PCDHA2: variants seen among roughly 807,000 people sequenced by gnomAD.
PCDHA2 encodes protocadherin alpha 2.
In PCDHA2, 58 loss-of-function variants were observed where a neutral mutation model predicts 66.0. That is an observed-to-expected ratio of 0.88 (90% CI 0.71 to 1.09). The LOEUF (loss-of-function observed/expected upper bound fraction) is 1.09, where lower values mean the gene tolerates loss of function less well. Ranked by LOEUF, PCDHA2 falls within the 50% of genes least tolerant of loss-of-function variation. PCDHA2 has a pLI of 0.00. For missense variants in PCDHA2, 1,267 were observed against 1,242.3 expected (o/e 1.02, Z -0.30); for synonymous variants, 634 against 554.0 (o/e 1.14, Z -2.03).
intron 1 of PCDHA2, among the ~76,000 whole-genome samples, chr5:140,896,209 T>C (rs1489640114): frequency 6.6e-6 from 1 of 152,238 alleles, no homozygotes; most frequent in African/African-American, 2.4e-5. Context: ...AACATACACA[T>C]ACATGTGTCT....
rs2150112060 is a variant in PCDHA2, at chr5:140,821,924, A to T, written c.2388+24572A>T. On this transcript the variant is annotated intron_variant, in intron 1 of 3. Transcript: ENST00000526136. ...ACCTTCGTTGGCCGCATCGCGCAGG[A>T]CCTAGGGCTGGAGCTGGCGGAGCTG... 7 of 1,614,172 alleles carry T rather than the reference A, an allele frequency of 4.3e-6. No individual in the cohort carries two copies. In the Admixed American group the frequency reaches 1.2e-4, roughly 27 times the overall value.
chr5:140,930,654 C>T (rs1229167848), intron 1 of PCDHA2, among the ~76,000 whole-genome samples: 1 of 152,106 alleles, frequency 6.6e-6, no homozygotes, highest in Non-Finnish European at 1.5e-5. Context: ...ATGAAGCATT[C>T]CTTGTTTTAC....
At chr5:140,797,466 C>T (rs1554120448) in intron 1 of PCDHA2, 114 bp downstream of exon 1, 1 of 1,251,228 alleles carries the variant, frequency 8.0e-7, no homozygotes, top group South Asian at 1.5e-5. Flanking sequence ...TATCATCCTA[C>T]CGTGCGATTT....
intron 1 of PCDHA2, chr5:140,862,965 C>G (rs1358517266): frequency 1.8e-6 from 1 of 543,786 alleles, no homozygotes; most frequent in Admixed American, 1.9e-5. Flanking sequence ...TCAGTGGATG[C>G]AGGCCACTTG....
chr5:140,914,928 T>C lies in PCDHA2; in HGVS notation c.2389-64021T>C, dbSNP rs75399267. On this transcript the variant is annotated intron_variant, in intron 1 of 3. Coordinates refer to ENST00000526136, the MANE Select transcript of PCDHA2 (RefSeq NM_018905.3). ...TGTTTCTCTGTGTCTTATTGTACTA[T>C]GTTGTGAAAAGTTGTCTTTTTTTTT... Among the ~76,000 whole-genome samples the C allele has an allele frequency of 4.6e-3, 691 of 150,904 alleles. 3 individuals carry two copies. The highest frequency in any genetic ancestry group is 0.016 in the African/African-American group (668 of 41,182).
intron 1 of PCDHA2, chr5:140,835,907 G>T (rs2150248091): frequency 6.2e-7 from 1 of 1,612,200 alleles, no homozygotes. Flanking sequence ...CGAGCTACGT[G>T]TCAGTGCACG....
At chr5:140,877,065 G>A (rs782807909) in intron 1 of PCDHA2, 7 of 1,613,044 alleles carry the variant, frequency 4.3e-6, no homozygotes, top group Non-Finnish European at 5.9e-6. Flanking sequence ...TGGAGCTGCT[G>A]CAGTTCCAGG....
At chr5:140,843,413 G>A (rs2150359466) in intron 1 of PCDHA2, 1 of 1,596,100 alleles carries the variant, frequency 6.3e-7, no homozygotes, top group Non-Finnish European at 8.6e-7. Flanking sequence ...GGATGTCAAC[G>A]TGTACCTGAT....
chr5:140,852,911 C>G lies in PCDHA2; in HGVS notation c.2388+55559C>G, dbSNP rs2150524968. ...TTTTTTTTTTTGAGTCAGAGTCTCG[C>G]TCTGTTGCCCAGGCTGGAGTGCAGT... On this transcript the variant is annotated intron_variant, in intron 1 of 3. Transcript: ENST00000526136. The G allele has an allele frequency of 3.8e-6, 3 of 791,732 alleles. 1 individual carries two copies. The South Asian group carries it at 1.7e-4, about 44-fold the overall frequency. The allele number at this position is 791,732 out of a possible 1,614,324, so 49.0% of individuals were successfully genotyped here. A position where few individuals can be genotyped will look rare whatever the true frequency, so the allele number is the denominator to read the frequency against.
At chr5:140,883,402 C>G (rs2153393597) in intron 1 of PCDHA2, 1 of 1,614,192 alleles carries the variant, frequency 6.2e-7, no homozygotes, top group Middle Eastern at 1.6e-4. Context: ...CCGATCGTGA[C>G]TCTGGCTCAA....
In PCDHA2 at chr5:140,829,912, T is replaced by C. The variant is rs145708741; in HGVS notation, c.2388+32560T>C. ...CCGACTCAGGCTACAACGCGTGGCT[T>C]TCGTATGAGCTGCAGCCCCCGGCAA... On this transcript the variant is annotated intron_variant, in intron 1 of 3. Coordinates refer to ENST00000526136, the MANE Select transcript of PCDHA2 (RefSeq NM_018905.3). 24 of 1,613,880 alleles carry C rather than the reference T, an allele frequency of 1.5e-5. No individual in the cohort carries two copies. In the African/African-American group the frequency reaches 3.1e-4, roughly 21 times the overall value.
At chr5:140,862,919 T>C (rs782169280) in intron 1 of PCDHA2, 73 of 546,740 alleles carry the variant, frequency 1.3e-4, no homozygotes, top group Non-Finnish European at 2.4e-4. Flanking sequence ...GCGCCTTGGG[T>C]GGGCTGGCGG....
intron 1 of PCDHA2, chr5:140,882,682 A>G (rs782727780): frequency 9.3e-6 from 15 of 1,614,080 alleles, no homozygotes; most frequent in Admixed American, 3.3e-5. Context: ...AAAGCAAGAA[A>G]CGAATAATCA....
intron 1 of PCDHA2, among the ~76,000 whole-genome samples, chr5:140,924,229 T>G (rs543275737): frequency 6.6e-6 from 1 of 152,258 alleles, no homozygotes; most frequent in Non-Finnish European, 1.5e-5. Flanking sequence ...TCAATTTTTA[T>G]GGGCTGTTTT....
At chr5:140,884,205 G>T (rs1554181325) in intron 1 of PCDHA2, 3 of 1,613,490 alleles carry the variant, frequency 1.9e-6, no homozygotes, top group East Asian at 4.5e-5. Context: ...CCGCACCACC[G>T]CCTTCTGGTG....
intron 1 of PCDHA2, chr5:140,821,850 A>T: frequency 6.2e-7 from 1 of 1,614,180 alleles, no homozygotes; most frequent in Non-Finnish European, 8.5e-7. Flanking sequence ...ACTGGAAGGC[A>T]GGGAGCGGCC....
At chr5:140,993,460 T>TCCCACA (rs1554253699) in intron 3 of PCDHA2, among the ~76,000 whole-genome samples, 8 of 104,506 alleles carry the variant, frequency 7.7e-5, no homozygotes, top group African/African-American at 3.1e-4. Context: ...CTTCTTTCTT[T>TCCCACA]CTCACACACA....
chr5:140,965,331 G>T (rs2153743444), intron 1 of PCDHA2, among the ~76,000 whole-genome samples: 1 of 152,252 alleles, frequency 6.6e-6, no homozygotes, highest in Non-Finnish European at 1.5e-5. Context: ...AAGTGAATTT[G>T]TTGTCTCTGT....
chr5:140,836,651 G>A (rs1774653437), intron 1 of PCDHA2: 1 of 1,613,546 alleles, frequency 6.2e-7, no homozygotes, highest in East Asian at 2.2e-5. Flanking sequence ...AGAGGCGGCA[G>A]AGGGTGTGCT....
Sources: gnomAD v4.1 joint callset for allele counts (sites outside exome capture counted in the v4.1 genomes callset) on GRCh38, gnomAD v4.1.1 for gene constraint, MANE v1.5 for transcripts, NCBI Gene and HGNC (gene_info 2026-07-23, HGNC 2026-07-21) for gene names.